DLC1: variants seen among roughly 807,000 people sequenced by gnomAD.
DLC1 encodes the protein DLC1 Rho GTPase activating protein, also known as rho GTPase-activating protein 7.
In DLC1, 54 loss-of-function variants were observed where a neutral mutation model predicts 140.3. The observed-to-expected ratio is 0.38, with a 90% CI of 0.31 to 0.48. The LOEUF is 0.48. Ranked by LOEUF, DLC1 falls within the 20% of genes least tolerant of loss-of-function variation. The probability of loss-of-function intolerance (pLI) is 0.96; values close to 1 mark genes in which losing one functional copy is unlikely to be tolerated. For missense variants in DLC1, 2,536 were observed against 1,907.0 expected, an observed-to-expected ratio of 1.33 and a Z score of -6.14; for synonymous variants, 986 against 728.1, an observed-to-expected ratio of 1.35 and a Z score of -5.70.
intron 4 of DLC1, among the ~76,000 whole-genome samples, chr8:13,319,295 T>G (rs577307843): frequency 6.6e-6 from 1 of 152,270 alleles, no homozygotes; most frequent in South Asian, 2.1e-4. Flanking sequence ...CATTTTCGCC[T>G]CCGTTCCCTG....
At chr8:13,194,035 A>G (rs187925516) in intron 5 of DLC1, among the ~76,000 whole-genome samples, 683 of 152,340 alleles carry the variant, frequency 4.5e-3, no homozygotes, top group Admixed American at 7.3e-3. Flanking sequence ...TAGAGAGTCA[A>G]TGATAGAGAG....
intron 2 of DLC1, among the ~76,000 whole-genome samples, chr8:13,473,903 G>A (rs1800320624): frequency 6.6e-6 from 1 of 152,206 alleles, no homozygotes; most frequent in Admixed American, 6.5e-5. Context: ...TATAAAGAAA[G>A]CAGAGTATTA....
chr8:13,280,933 A>C (rs902380574), intron 5 of DLC1, among the ~76,000 whole-genome samples: 4 of 152,218 alleles, frequency 2.6e-5, no homozygotes, highest in Non-Finnish European at 4.4e-5. Flanking sequence ...ACGGGATGGC[A>C]GGCTTAGTGC....
chr8:13,508,423 CTTTT>C (rs11295861), intron 1 of DLC1, among the ~76,000 whole-genome samples: 2 of 146,372 alleles, frequency 1.4e-5, no homozygotes, highest in Non-Finnish European at 3.0e-5. Context: ...ACTTCTTTTT[CTTTT>C]TTTTTTTTGA....
At chr8:13,469,954 C>T (rs1284722713) in intron 2 of DLC1, among the ~76,000 whole-genome samples, 1 of 152,120 alleles carries the variant, frequency 6.6e-6, no homozygotes, top group Non-Finnish European at 1.5e-5. Context: ...AATAGCCAGG[C>T]AGGGCAGCTT....
chr8:13,121,497 A>G (rs1279689620), intron 5 of DLC1, among the ~76,000 whole-genome samples: 2 of 152,136 alleles, frequency 1.3e-5, no homozygotes, highest in Admixed American at 6.5e-5. Flanking sequence ...AGGTAAGGAA[A>G]TCTTGGTGAC....
intron 5 of DLC1, among the ~76,000 whole-genome samples, chr8:13,178,913 C>A (rs1466307074): frequency 1.3e-5 from 2 of 152,082 alleles, no homozygotes; most frequent in Non-Finnish European, 2.9e-5. Context: ...CAAATATACA[C>A]CGAATACCAA....
rs139350837 is a variant in DLC1, at chr8:13,366,918, G to C, written c.1314+26635C>G. 3.0e-3 allele frequency among the ~76,000 whole-genome samples: 449 copies of C among 152,144 alleles called. 4 individuals are homozygous for C. The highest frequency in any genetic ancestry group is 0.011 in the African/African-American group (442 of 41,522). ...GAATTGCTGGGCTCTTGCATTCCTC[G>C]ATGTGTTGCATCACTTCCTTCCTTC... On this transcript the variant is annotated intron_variant, in intron 4 of 17. Coordinates refer to ENST00000276297, the MANE Select transcript of DLC1 (RefSeq NM_182643.3).
intron 1 of DLC1, among the ~76,000 whole-genome samples, chr8:13,602,051 A>G (rs1439192753): frequency 6.6e-6 from 1 of 151,842 alleles, no homozygotes; most frequent in African/African-American, 2.4e-5. Context: ...ACACAAGGCC[A>G]GCTATAAAGT....
chr8:13,412,760 G>A (rs1484495222), intron 2 of DLC1, among the ~76,000 whole-genome samples: 1 of 151,752 alleles, frequency 6.6e-6, no homozygotes, highest in African/African-American at 2.4e-5. Flanking sequence ...GTGAAACCCC[G>A]TCTGTACTAA....
chr8:13,125,582 G>T (rs866688139), intron 5 of DLC1, among the ~76,000 whole-genome samples: 2 of 152,128 alleles, frequency 1.3e-5, no homozygotes, highest in South Asian at 2.1e-4. Context: ...GAATTGAGGT[G>T]ATTTGCTGAA....
chr8:13,514,531 A>G lies in DLC1; in HGVS notation c.-126+71T>C, dbSNP rs115477856. 1,140 of 398,422 alleles carry G rather than the reference A, an allele frequency of 2.9e-3. 13 individuals carry two copies. The highest frequency in any genetic ancestry group is 0.022 in the African/African-American group (1,052 of 48,720). 24.7% of individuals were successfully genotyped at this position (398,422 alleles called of 1,614,324 possible). On this transcript the variant is annotated intron_variant, in intron 1 of 17. Coordinates refer to ENST00000276297, the MANE Select transcript of DLC1 (RefSeq NM_182643.3). The stretch of plus-strand genomic sequence containing the variant: ...AGTCACCAACTCCGTGCAAGATGCT[A>G]ACATTTATCTCAATCTTTCTGCCTC...
chr8:13,215,674 C>G (rs1828162925), intron 5 of DLC1, among the ~76,000 whole-genome samples: 1 of 152,116 alleles, frequency 6.6e-6, no homozygotes, highest in Admixed American at 6.6e-5. Context: ...TTAAAACATA[C>G]TACTATTGTA....
At chr8:13,147,868 G>C (rs1386851068) in intron 5 of DLC1, among the ~76,000 whole-genome samples, 1 of 152,096 alleles carries the variant, frequency 6.6e-6, no homozygotes, top group Non-Finnish European at 1.5e-5. Context: ...GGCGCCTGTA[G>C]TTCCAGCTAC....
At chr8:13,471,493 G>A (rs376153022) in intron 2 of DLC1, among the ~76,000 whole-genome samples, 4 of 130,984 alleles carry the variant, frequency 3.1e-5, no homozygotes, top group African/African-American at 9.9e-5. Flanking sequence ...GGAAGGAAGG[G>A]AGGCAGGGAA....
intron 5 of DLC1, among the ~76,000 whole-genome samples, chr8:13,185,129 T>C (rs2116995074): frequency 6.7e-6 from 1 of 148,894 alleles, no homozygotes; most frequent in Admixed American, 6.7e-5. Context: ...CTGCTTTTTT[T>C]TTTTTTTTTT....
chr8:13,570,657 G>GGTGTATAT (rs1804621005), intron 1 of DLC1, among the ~76,000 whole-genome samples: 1 of 151,198 alleles, frequency 6.6e-6, no homozygotes, highest in Non-Finnish European at 1.5e-5. Flanking sequence ...AGTATTCCAT[G>GGTGTATAT]GTGTATATGT....
At chr8:13,151,016 G>A (rs1435364712) in intron 5 of DLC1, among the ~76,000 whole-genome samples, 1 of 152,208 alleles carries the variant, frequency 6.6e-6, no homozygotes, top group African/African-American at 2.4e-5. Flanking sequence ...AGATGGAACA[G>A]GGTAGTTGGG....
intron 5 of DLC1, among the ~76,000 whole-genome samples, chr8:13,233,965 G>C (rs1829168539): frequency 6.6e-6 from 1 of 152,114 alleles, no homozygotes; most frequent in Admixed American, 6.6e-5. Flanking sequence ...CCATTCACGA[G>C]CTACAAGAAG....
Sources: gnomAD v4.1 joint callset for allele counts (sites outside exome capture counted in the v4.1 genomes callset) on GRCh38, gnomAD v4.1.1 for gene constraint, MANE v1.5 for transcripts, NCBI Gene and HGNC (gene_info 2026-07-23, HGNC 2026-07-21) for gene names.